The following DNAJA4 variants were observed in gnomAD, a reference collection of about 807,000 sequenced individuals.
The protein encoded by DNAJA4 is DnaJ heat shock protein family (Hsp40) member A4, also known as dnaJ homolog subfamily A member 4.
DNAJA4 carries 32 observed loss-of-function variants against 39.7 expected under a neutral mutation model. That is an observed-to-expected ratio of 0.81 (90% CI 0.61 to 1.08). The LOEUF (loss-of-function observed/expected upper bound fraction) is 1.08, where lower values mean the gene tolerates loss of function less well. Ranked by LOEUF, DNAJA4 falls within the 50% of genes least tolerant of loss-of-function variation. The pLI is 0.00. For missense variants in DNAJA4, 439 were observed against 505.1 expected (o/e 0.87, Z 1.25); for synonymous variants, 184 against 182.4 (o/e 1.01, Z -0.07).
At chr15:78,264,211 C>T, upstream of DNAJA4, 1 of 822,934 alleles carries the variant, frequency 1.2e-6, no homozygotes, top group Non-Finnish European at 1.7e-6. Context: ...TCCAGCCAGC[C>T]GGCTCCACGG....
Position 78,280,911 on chromosome 15 carries a change from C to A in DNAJA4, c.*451C>A, listed in dbSNP as rs192193286. 8.0e-5 allele frequency: 13 copies of A among 163,186 alleles called. 1 individual carries two copies. The East Asian group carries it at 2.3e-3, about 29-fold the overall frequency. 10.1% of individuals were successfully genotyped at this position (163,186 alleles called of 1,614,324 possible). On this transcript the variant is annotated 3_prime_UTR_variant, in exon 7 of 7. Coordinates refer to ENST00000394852, the MANE Select transcript of DNAJA4 (RefSeq NM_001130182.2). ...CTTCCCTTGGCAGAGTTATTGAGGG[C>A]ATGATCTCAGGGCTGCTAAGATAAC...
At chr15:78,267,972 C>T (rs977054410) in intron 1 of DNAJA4, among the ~76,000 whole-genome samples, 3 of 152,054 alleles carry the variant, frequency 2.0e-5, no homozygotes, top group South Asian at 4.1e-4. Flanking sequence ...GAAGGGGGTC[C>T]GGGCCGGGAG....
chr15:78,275,198 C>A, intron 4 of DNAJA4: 1 of 395,596 alleles, frequency 2.5e-6, no homozygotes, highest in Non-Finnish European at 4.6e-6. Context: ...GGGCGGTGAC[C>A]CTATGCTGGT....
At chr15:78,276,554 C>T (rs2049464585) in intron 5 of DNAJA4, among the ~76,000 whole-genome samples, 1 of 152,236 alleles carries the variant, frequency 6.6e-6, no homozygotes, top group African/African-American at 2.4e-5. Context: ...AGGCCAGGGA[C>T]CTTGACTTGA....
intron 1 of DNAJA4, among the ~76,000 whole-genome samples, chr15:78,269,397 A>T (rs1420263913): frequency 2.6e-5 from 4 of 152,220 alleles, no homozygotes; most frequent in East Asian, 1.9e-4. Context: ...ATTTTATTTT[A>T]AAAATGTCCA....
At chr15:78,278,227 G>A (rs779928150) in intron 5 of DNAJA4, 6 of 456,088 alleles carry the variant, frequency 1.3e-5, no homozygotes, top group Middle Eastern at 3.3e-4. Flanking sequence ...TCCATGCTTG[G>A]TCAGTTTCCC....
chr15:78,277,025 G>A (rs1455846977), intron 5 of DNAJA4, among the ~76,000 whole-genome samples: 1 of 152,212 alleles, frequency 6.6e-6, no homozygotes, highest in Non-Finnish European at 1.5e-5. Flanking sequence ...GGTTTGTGGA[G>A]TTTTAAAATA....
chr15:78,278,826 A>ATTTTTTT (rs33990133), intron 5 of DNAJA4, among the ~76,000 whole-genome samples: 19 of 87,484 alleles, frequency 2.2e-4, no homozygotes, highest in African/African-American at 8.1e-4. Context: ...TAGTTTTTCT[A>ATTTTTTT]TTTTTTTTTT....
Position 78,274,674 on chromosome 15 carries a change from T to G in DNAJA4, c.646+250T>G, listed in dbSNP as rs540518547. On this transcript the variant is annotated intron_variant, in intron 4 of 6. Coordinates refer to ENST00000394852, the MANE Select transcript of DNAJA4 (RefSeq NM_001130182.2). ...TCACAGACAGCCTCTTTATGAGGTT[T>G]TCTAACGCTCTGAAAGTCTTACCTG... 7.7e-6 allele frequency: 4 copies of G among 517,414 alleles called. No homozygotes were observed. In the East Asian group the frequency reaches 1.4e-4, roughly 18 times the overall value. 32.1% of individuals were successfully genotyped at this position (517,414 alleles called of 1,614,324 possible). A position where few individuals can be genotyped will look rare whatever the true frequency, so the allele number is the denominator to read the frequency against.
chr15:78,270,560 C>A lies in DNAJA4; in HGVS notation c.196C>A (p.Gln66Lys). The A allele has an allele frequency of 6.2e-7, 1 of 1,614,062 alleles. No homozygotes were observed. The highest frequency in any genetic ancestry group is 1.3e-5 in the African/African-American group (1 of 74,992). The change falls in exon 2 of 7, where the codon CAA becomes AAA. Residue 66 changes from glutamine (Q) to lysine (K), a missense_variant. By Grantham distance (53) the Gln-to-Lys change is moderately conservative. Coordinates refer to ENST00000394852, the MANE Select transcript of DNAJA4 (RefSeq NM_001130182.2). ...SDPKKRDVYD[Q>K]GGEQAIKEGG... ...TCCAAAGAAAAGGGATGTTTATGAC[C>A]AAGGCGGAGAGCAGGCAATTAAAGA...
In DNAJA4 at chr15:78,266,280, C is replaced by A. The variant is rs1451297959; in HGVS notation, c.132+1385C>A. 1.9e-6 allele frequency: 3 copies of A among 1,613,956 alleles called. No homozygotes were observed. In the South Asian group the frequency reaches 3.3e-5, roughly 18 times the overall value. ...CTGACCCTGGATTCAGGTCAAATCTCAGCACTCACAAGAGTAAGTTCATGC... is the reference window on the plus strand; with the variant it reads ...CTGACCCTGGATTCAGGTCAAATCTAAGCACTCACAAGAGTAAGTTCATGC... On this transcript the variant is annotated intron_variant, in intron 1 of 6. Transcript: ENST00000394852.
At chr15:78,267,561 A>C (rs1477080563) in intron 1 of DNAJA4, among the ~76,000 whole-genome samples, 1 of 151,886 alleles carries the variant, frequency 6.6e-6, no homozygotes, top group Non-Finnish European at 1.5e-5. Flanking sequence ...TGTGGGGTAT[A>C]TTCTTGGCTA....
At chr15:78,271,898 C>G (rs1268871638) in intron 2 of DNAJA4, among the ~76,000 whole-genome samples, 2 of 152,002 alleles carry the variant, frequency 1.3e-5, no homozygotes, top group African/African-American at 4.8e-5. Flanking sequence ...GTGAGAGGCC[C>G]CTAGATAAAT....
chr15:78,273,464 A>G (rs2049359431), intron 3 of DNAJA4, among the ~76,000 whole-genome samples: 2 of 152,232 alleles, frequency 1.3e-5, no homozygotes, highest in Non-Finnish European at 2.9e-5. Context: ...TTTAGGGTGC[A>G]TGTGCACAAC....
chr15:78,266,181 A>T, intron 1 of DNAJA4: 1 of 1,586,636 alleles, frequency 6.3e-7, no homozygotes, highest in Non-Finnish European at 8.6e-7. Flanking sequence ...CGCTTCTGAC[A>T]GTCTCCTTTA....
At chr15:78,278,393 T>G in intron 5 of DNAJA4, 1 of 429,486 alleles carries the variant, frequency 2.3e-6, no homozygotes, top group South Asian at 1.7e-5. Flanking sequence ...GATGTCGTTG[T>G]GGTGTGAACA....
intron 2 of DNAJA4, among the ~76,000 whole-genome samples, chr15:78,271,514 T>C (rs1256571969): frequency 6.6e-6 from 1 of 152,248 alleles, no homozygotes; most frequent in Non-Finnish European, 1.5e-5. Flanking sequence ...AAAATTCATC[T>C]CTTTATGTTT....
intron 1 of DNAJA4, chr15:78,265,946 G>A (rs900226024): frequency 7.1e-5 from 42 of 587,918 alleles, no homozygotes; most frequent in African/African-American, 1.9e-5. Flanking sequence ...AGCTACTTCA[G>A]GACGGTTGGC....
intron 4 of DNAJA4, chr15:78,274,735 C>T (rs2049400361): frequency 5.0e-6 from 2 of 402,528 alleles, no homozygotes; most frequent in South Asian, 4.6e-5. Flanking sequence ...TCCTGACATT[C>T]TCAAGCCATT....
Sources: allele counts gnomAD v4.1 joint callset (sites outside exome capture counted in the v4.1 genomes callset), GRCh38; gene constraint gnomAD v4.1.1; transcripts MANE v1.5; gene names NCBI Gene and HGNC (gene_info 2026-07-23, HGNC 2026-07-21).